Variants in CDH6 observed in about 807,000 individuals in gnomAD.
CDH6 encodes the protein cadherin-6.
Under a neutral mutation model 78.0 loss-of-function variants are expected in CDH6, and 31 were observed. That is an observed-to-expected ratio of 0.40 (90% confidence interval 0.30 to 0.54). CDH6 has a LOEUF of 0.54. Ranked by LOEUF, CDH6 falls within the 20% of genes least tolerant of loss-of-function variation. The probability of loss-of-function intolerance (pLI) is 0.56; values close to 1 mark genes in which losing one functional copy is unlikely to be tolerated. For missense variants in CDH6, 724 were observed against 975.9 expected (o/e 0.74, Z 3.44); for synonymous variants, 376 against 368.8 (o/e 1.02, Z -0.23).
intron 1 of CDH6, among the ~76,000 whole-genome samples, chr5:31,210,076 T>TTGTGTGTGTG (rs60543109): frequency 0.018 from 2,607 of 146,534 alleles, 55 homozygotes; most frequent in African/African-American, 0.043. Context: ...TTTTCTTAAA[T>TTGTGTGTGTG]TGTGTGTGTG....
In CDH6 at chr5:31,323,742, G is replaced by A. The variant is rs1738542452; in HGVS notation, c.*434G>A. The A allele has an allele frequency of 1.3e-5, 3 of 239,646 alleles. No individual in the cohort carries two copies. The highest frequency in any genetic ancestry group is 3.1e-4 in the South Asian group (2 of 6,492). The allele number at this position is 239,646 out of a possible 1,614,324, so 14.8% of individuals were successfully genotyped here. On this transcript the variant is annotated 3_prime_UTR_variant, in exon 12 of 12. Transcript: ENST00000265071. Reference sequence around the variant, plus strand: ...ATAGTAAAAGAAATGAGGGCATATCGGCTCACAAAGAGATAAACTACATAG... The same window carrying A: ...ATAGTAAAAGAAATGAGGGCATATCAGCTCACAAAGAGATAAACTACATAG...
chr5:31,225,698 G>A (rs1416055310), intron 1 of CDH6, among the ~76,000 whole-genome samples: 1 of 152,140 alleles, frequency 6.6e-6, no homozygotes, highest in Admixed American at 6.5e-5. Context: ...CCATGATCCA[G>A]TCACCTCCCA....
chr5:31,285,935 T>C, intron 2 of CDH6, among the ~76,000 whole-genome samples: 1 of 152,224 alleles, frequency 6.6e-6, no homozygotes, highest in East Asian at 1.9e-4. Context: ...ACCATGTGTC[T>C]AATGTTTAGT....
At chr5:31,275,509 C>T (rs879796592) in intron 2 of CDH6, among the ~76,000 whole-genome samples, 1 of 152,152 alleles carries the variant, frequency 6.6e-6, no homozygotes, top group Non-Finnish European at 1.5e-5. Flanking sequence ...CCAGCTGCAT[C>T]CATGTTGTTA....
chr5:31,270,282 A>G (rs1250863927), intron 2 of CDH6, among the ~76,000 whole-genome samples: 1 of 152,232 alleles, frequency 6.6e-6, no homozygotes, highest in Non-Finnish European at 1.5e-5. Context: ...TCAAAGAAAT[A>G]CCTTATAGTG....
intron 6 of CDH6, among the ~76,000 whole-genome samples, chr5:31,302,798 G>A (rs13360500): frequency 0.32 from 11,538 of 36,050 alleles, 915 homozygotes; most frequent in East Asian, 0.39. Context: ...GAGAGAGAGA[G>A]AGAAAGAAAG....
chr5:31,251,208 G>C (rs548834767), intron 1 of CDH6: 1 of 152,216 alleles, frequency 6.6e-6, no homozygotes, highest in African/African-American at 2.4e-5. Context: ...TGTGGGAGGC[G>C]CTTGACTTCT....
intron 11 of CDH6, chr5:31,318,885 T>G: frequency 4.4e-6 from 1 of 225,690 alleles, no homozygotes; most frequent in Non-Finnish European, 8.8e-6. Flanking sequence ...CAGGGATCCC[T>G]GCTCTAGCGC....
chr5:31,302,730 AGAAGGAAG>A (rs1296800285), intron 6 of CDH6, among the ~76,000 whole-genome samples: 1 of 137,816 alleles, frequency 7.3e-6, no homozygotes, highest in African/African-American at 2.6e-5. Context: ...AAAAGAAGAA[AGAAGGAAG>A]GAAGGAAGGA....
At chr5:31,286,305 TAA>T (rs1743010859) in intron 2 of CDH6, among the ~76,000 whole-genome samples, 1 of 152,114 alleles carries the variant, frequency 6.6e-6, no homozygotes, top group Non-Finnish European at 1.5e-5. Context: ...TGCTGATGGC[TAA>T]GTGGGGAATG....
intron 2 of CDH6, among the ~76,000 whole-genome samples, chr5:31,274,338 T>C (rs1294315120): frequency 2.6e-5 from 4 of 152,166 alleles, no homozygotes; most frequent in Admixed American, 2.6e-4. Flanking sequence ...CAGTAGCTCA[T>C]GTGGAAAGCA....
At chr5:31,317,288 C>G (rs574858301) in intron 9 of CDH6, 87 bp from the exon 10 acceptor site, 2 of 705,848 alleles carry the variant, frequency 2.8e-6, no homozygotes, top group Admixed American at 2.3e-5. Flanking sequence ...ATTTTTAAAT[C>G]ATTTTGTCAA....
intron 1 of CDH6, among the ~76,000 whole-genome samples, chr5:31,263,441 CTTTTTTTTTT>C (rs35835971): frequency 9.6e-6 from 1 of 103,682 alleles, no homozygotes; most frequent in Non-Finnish European, 1.9e-5. Flanking sequence ...TTTTTGGGGT[CTTTTTTTTTT>C]TTTTTTTTTT....
At chr5:31,263,551 G>A (rs1177921973) in intron 1 of CDH6, among the ~76,000 whole-genome samples, 2 of 149,210 alleles carry the variant, frequency 1.3e-5, no homozygotes, top group Non-Finnish European at 1.5e-5. Context: ...CCAAAGTGCT[G>A]GAATTACAGG....
intron 6 of CDH6, among the ~76,000 whole-genome samples, chr5:31,302,929 A>AAGAAAGAAAG (rs1737850861): frequency 7.8e-6 from 1 of 128,286 alleles, no homozygotes; most frequent in Admixed American, 8.1e-5. Flanking sequence ...GAAAGAAAGA[A>AAGAAAGAAAG]AGAAAGAAAG....
At chr5:31,238,762 G>A (rs764294526) in intron 1 of CDH6, among the ~76,000 whole-genome samples, 6 of 152,124 alleles carry the variant, frequency 3.9e-5, no homozygotes, top group Non-Finnish European at 8.8e-5. Context: ...CAATAGACAC[G>A]TGTAGCTAAT....
intron 2 of CDH6, among the ~76,000 whole-genome samples, chr5:31,279,674 C>T (rs1742799146): frequency 6.6e-6 from 1 of 152,088 alleles, no homozygotes; most frequent in Non-Finnish European, 1.5e-5. Context: ...AGGTCTTCAT[C>T]CTCATAGCCT....
At chr5:31,299,660 T>G (rs2149950323) in intron 5 of CDH6, 29 bp downstream of exon 5, 2 of 1,571,198 alleles carry the variant, frequency 1.3e-6, no homozygotes, top group East Asian at 4.5e-5. Flanking sequence ...ATGAATTTCT[T>G]CAATGTGCTT....
At chr5:31,276,609 G>A (rs566189672) in intron 2 of CDH6, among the ~76,000 whole-genome samples, 1 of 152,270 alleles carries the variant, frequency 6.6e-6, no homozygotes, top group African/African-American at 2.4e-5. Flanking sequence ...AGTTGAAGAA[G>A]TTATCTCAGT....
Sources: allele counts gnomAD v4.1 joint callset (sites outside exome capture counted in the v4.1 genomes callset), GRCh38; gene constraint gnomAD v4.1.1; transcripts MANE v1.5; gene names NCBI Gene and HGNC (gene_info 2026-07-23, HGNC 2026-07-21).